The following HYDIN variants were observed in gnomAD, a reference collection of about 807,000 sequenced individuals.
HYDIN encodes HYDIN axonemal central pair apparatus protein.
A neutral mutation model predicts 403.9 loss-of-function variants in HYDIN; 132 were observed. The ratio of observed to expected loss-of-function variants is 0.33; its 90% CI spans 0.28 to 0.38. HYDIN has a LOEUF of 0.38. Ranked by LOEUF, HYDIN falls within the 10% of genes least tolerant of loss-of-function variation. The probability of loss-of-function intolerance (pLI) is 1.00; values close to 1 mark genes in which losing one functional copy is unlikely to be tolerated. For synonymous variants in HYDIN, 1,202 were observed against 1,891.7 expected (o/e 0.64, Z 9.46); for missense variants, 2,827 against 5,009.5 (o/e 0.56, Z 13.15).
chr16:71,207,449 T>C (rs1376988267), intron 1 of HYDIN, among the ~76,000 whole-genome samples: 1 of 152,078 alleles, frequency 6.6e-6, no homozygotes, highest in Non-Finnish European at 1.5e-5. Flanking sequence ...GAAAGACCAT[T>C]ACCAGCCATT....
At chr16:70,979,386 C>T (rs1471861374) in intron 29 of HYDIN, among the ~76,000 whole-genome samples, 1 of 152,034 alleles carries the variant, frequency 6.6e-6, no homozygotes, top group Non-Finnish European at 1.5e-5. Context: ...TAAACCCCTA[C>T]ACCCTGGAGC....
rs777142090 is a variant in HYDIN, at chr16:70,920,878, C to A, written c.7498G>T (p.Val2500Phe). 3.8e-5 allele frequency: 61 copies of A among 1,608,670 alleles called. No individual in the cohort carries two copies. The highest frequency in any genetic ancestry group is 4.8e-5 in the Non-Finnish European group (56 of 1,177,216). Residue 2500 changes from valine to phenylalanine, a missense_variant, in exon 46 of 86, where the codon GTC (valine) becomes TTC (phenylalanine). By Grantham distance (50) the Val-to-Phe change is conservative. Transcript: ENST00000393567. ...APHEPDDQRQVPLGGRRGRKD... is the reference protein window; with the variant it reads ...APHEPDDQRQFPLGGRRGRKD... Reference sequence around the variant, plus strand: ...CGGCCCCTGCGCCCACCCAAGGGGACCTGGCGCTGGTCGTCGGGCTCATGG... The same window carrying A: ...CGGCCCCTGCGCCCACCCAAGGGGAACTGGCGCTGGTCGTCGGGCTCATGG...
intron 18 of HYDIN, among the ~76,000 whole-genome samples, chr16:71,052,544 A>C (rs1200421989): frequency 6.7e-6 from 1 of 149,004 alleles, no homozygotes; most frequent in Non-Finnish European, 1.5e-5. Context: ...ACAGGGATTG[A>C]TTTCCTAAAC....
intron 9 of HYDIN, among the ~76,000 whole-genome samples, chr16:71,126,763 TTC>T (rs1244354062): frequency 2.0e-5 from 3 of 152,214 alleles, no homozygotes; most frequent in African/African-American, 7.2e-5. Flanking sequence ...ATTGGAAACA[TTC>T]TCTGTCTCCT....
At chr16:71,219,994 G>A (rs749335171) in intron 1 of HYDIN, among the ~76,000 whole-genome samples, 3 of 152,126 alleles carry the variant, frequency 2.0e-5, no homozygotes, top group South Asian at 2.1e-4. Context: ...GTTCTGAAAT[G>A]TACTCATCCC....
In HYDIN at chr16:70,930,615, C is replaced by T. The variant is rs1361983529; in HGVS notation, c.7158+5337G>A. ...AGAGAGAGCCAAAGAAGAGGAACCC[C>T]GCATTTTCTGTATAAGCAGCCTAAA... On this transcript the variant is annotated intron_variant, in intron 45 of 85. Transcript: ENST00000393567. Among the ~76,000 whole-genome samples the T allele has an allele frequency of 5.9e-5, 9 of 152,296 alleles. No homozygotes were observed. The South Asian group carries it at 1.9e-3, about 32-fold the overall frequency.
chr16:70,996,896 T>C (rs2079550098), intron 23 of HYDIN, among the ~76,000 whole-genome samples: 1 of 151,608 alleles, frequency 6.6e-6, no homozygotes, highest in African/African-American at 2.4e-5. Context: ...TTCAAGCACA[T>C]TACACTTATT....
At chr16:71,215,291 G>C (rs1170760553) in intron 1 of HYDIN, among the ~76,000 whole-genome samples, 3 of 151,920 alleles carry the variant, frequency 2.0e-5, no homozygotes. Flanking sequence ...AGGAGGGAGG[G>C]AAAGAGGAAG....
At chr16:70,881,271 T>C (rs1380753978) in intron 60 of HYDIN, among the ~76,000 whole-genome samples, 11 of 138,692 alleles carry the variant, frequency 7.9e-5, no homozygotes, top group Non-Finnish European at 1.7e-4. Context: ...TTTATGTTTT[T>C]AGTACAGAAG....
At chr16:71,043,657 T>C (rs2081357369) in intron 18 of HYDIN, among the ~76,000 whole-genome samples, 2 of 152,106 alleles carry the variant, frequency 1.3e-5, no homozygotes, top group South Asian at 4.2e-4. Flanking sequence ...AGATTTTTAA[T>C]TGTCATTTTG....
In HYDIN at chr16:70,807,219, G is replaced by A. The variant is rs1027002706; in HGVS notation, c.*361C>T. ...TTAAAAAGAAACTGCAGTACCCAGC[G>A]TCACGCATTGCTAAGTGTTGTAGAG... On this transcript the variant is annotated 3_prime_UTR_variant, in exon 86 of 86. Transcript: ENST00000393567. Among the ~76,000 whole-genome samples, 4 of 152,166 alleles carry A rather than the reference G, an allele frequency of 2.6e-5. No homozygotes were observed. Among genetic ancestry groups the A allele is most frequent in the Admixed American group, 6.5e-5 (1 of 15,290 alleles).
In HYDIN at chr16:70,868,596, G is replaced by T. The variant is rs201583096; in HGVS notation, c.11284C>A (p.Pro3762Thr). The T allele has an allele frequency of 1.8e-5, 29 of 1,612,874 alleles. No individual in the cohort carries two copies. The Middle Eastern group carries it at 9.0e-4, about 50-fold the overall frequency. Residue 3762 changes from proline (P) to threonine (T), a missense_variant, in exon 66 of 86, where the codon CCT (proline) becomes ACT (threonine). Physicochemically the swap from Pro to Thr is conservative, Grantham distance 38. Coordinates refer to ENST00000393567, the MANE Select transcript of HYDIN (RefSeq NM_001270974.2). ...VKWVDVPRNM[P>T]GTFTTKRKVI... ...TTTCGTTTTGTAGTGAAAGTCCCAG[G>T]CATGTTTCTGGGTACGTCCACCCAC...
chr16:71,180,387 G>A (rs1416621244), intron 3 of HYDIN, among the ~76,000 whole-genome samples: 1 of 151,928 alleles, frequency 6.6e-6, no homozygotes, highest in Non-Finnish European at 1.5e-5. Flanking sequence ...CCCTTTTACA[G>A]AGAAAATTCC....
chr16:70,902,958 T>A (rs1490716723), intron 52 of HYDIN, among the ~76,000 whole-genome samples: 1 of 148,682 alleles, frequency 6.7e-6, no homozygotes, highest in African/African-American at 2.5e-5. Context: ...TTTCTCTCTA[T>A]GCTTTTTTTT....
chr16:71,162,178 G>A (rs2086027770), intron 6 of HYDIN, among the ~76,000 whole-genome samples: 1 of 151,452 alleles, frequency 6.6e-6, no homozygotes, highest in South Asian at 2.1e-4. Context: ...GTGACAATTT[G>A]TTACAATGGC....
chr16:70,892,558 A>G (rs1027760968), intron 55 of HYDIN, 29 bp from the exon 56 acceptor site: 15 of 1,594,674 alleles, frequency 9.4e-6, no homozygotes, highest in Non-Finnish European at 1.3e-5. Context: ...AAGTCAGCCT[A>G]GGTCATTATC....
At chr16:71,087,208 G>C (rs1016753813) in intron 12 of HYDIN, among the ~76,000 whole-genome samples, 1 of 152,108 alleles carries the variant, frequency 6.6e-6, no homozygotes, top group African/African-American at 2.4e-5. Flanking sequence ...TTAGTTGTTG[G>C]GGGTTGTATG....
chr16:70,859,836 G>C (rs1169863722), intron 71 of HYDIN, among the ~76,000 whole-genome samples: 1 of 152,154 alleles, frequency 6.6e-6, no homozygotes, highest in East Asian at 1.9e-4. Context: ...TTAAAAAATT[G>C]CAAATATTAG....
chr16:70,903,392 A>AG (rs1291261531), intron 52 of HYDIN, among the ~76,000 whole-genome samples: 1 of 131,276 alleles, frequency 7.6e-6, no homozygotes, highest in African/African-American at 2.9e-5. Flanking sequence ...AGTTGATCTT[A>AG]GGGGGGTCCT....
Sources: allele counts gnomAD v4.1 joint callset (sites outside exome capture counted in the v4.1 genomes callset), GRCh38; gene constraint gnomAD v4.1.1; transcripts MANE v1.5; gene names NCBI Gene and HGNC (gene_info 2026-07-23, HGNC 2026-07-21).